Variants in DMXL1 observed in about 807,000 individuals in gnomAD.
DMXL1 encodes dmX-like protein 1.
Under a neutral mutation model 319.2 loss-of-function variants are expected in DMXL1, and 99 were observed. The ratio of observed to expected loss-of-function variants is 0.31; its 90% CI spans 0.26 to 0.37. The LOEUF (loss-of-function observed/expected upper bound fraction) is 0.37, where lower values mean the gene tolerates loss of function less well. Among genes scored for constraint, DMXL1 ranks in the 10% least tolerant of loss-of-function variants. The probability of loss-of-function intolerance (pLI) is 1.00; values close to 1 mark genes in which losing one functional copy is unlikely to be tolerated. For missense variants in DMXL1, 3,745 were observed against 3,595.6 expected (o/e 1.04, Z -1.06); for synonymous variants, 1,385 against 1,235.2 (o/e 1.12, Z -2.54).
At chr5:119,111,583 C>A (rs573933234) in intron 5 of DMXL1, among the ~76,000 whole-genome samples, 5 of 151,932 alleles carry the variant, frequency 3.3e-5, no homozygotes, top group Non-Finnish European at 5.9e-5. Context: ...AAGAATGACA[C>A]CCAAACTGGA....
chr5:119,219,741 T>C (rs1784333251), intron 35 of DMXL1, among the ~76,000 whole-genome samples: 1 of 152,036 alleles, frequency 6.6e-6, no homozygotes, highest in African/African-American at 2.4e-5. Context: ...CTAATTTTTG[T>C]ATTTTTTGTA....
chr5:119,157,096 C>G (rs1275483067), intron 19 of DMXL1, among the ~76,000 whole-genome samples: 3 of 152,066 alleles, frequency 2.0e-5, no homozygotes, highest in Non-Finnish European at 2.9e-5. Flanking sequence ...AAGCCATCCT[C>G]CTGCCTCAGC....
chr5:119,149,609 C>T lies in DMXL1; in HGVS notation c.3782C>T (p.Ser1261Phe). ...GATTCGTACAGTGGGAGCACTCCAT[C>T]TATAACAAGTTTAATAAAACAGAGT... ...ITDSYSGSTP[S>F]ITSLIKQSNS... is the part of the protein sequence containing the mutation. The change falls in exon 18 of 44, where the codon TCT becomes TTT. Residue 1261 changes from serine (S) to phenylalanine (F), a missense_variant. By Grantham distance (155) the Ser-to-Phe change is radical. Transcript: ENST00000539542. The T allele has an allele frequency of 6.2e-7, 1 of 1,613,920 alleles. No individual in the cohort carries two copies. Among genetic ancestry groups the T allele is most frequent in the Non-Finnish European group, 8.5e-7 (1 of 1,179,908 alleles).
chr5:119,244,953 A>G (rs757913473), intron 43 of DMXL1, among the ~76,000 whole-genome samples: 8 of 152,138 alleles, frequency 5.3e-5, no homozygotes, highest in Non-Finnish European at 1.2e-4. Flanking sequence ...TTTCATATAT[A>G]TTATTATCTA....
At chr5:119,113,226 A>G (rs867671570) in intron 5 of DMXL1, among the ~76,000 whole-genome samples, 1 of 152,146 alleles carries the variant, frequency 6.6e-6, no homozygotes, top group African/African-American at 2.4e-5. Flanking sequence ...ATATGCAAAG[A>G]TGTTCATGAC....
intron 25 of DMXL1, among the ~76,000 whole-genome samples, chr5:119,174,441 T>C (rs1775387739): frequency 6.6e-6 from 1 of 152,260 alleles, no homozygotes; most frequent in African/African-American, 2.4e-5. Flanking sequence ...TGATCATTTT[T>C]GCAAGCTCCC....
chr5:119,084,107 C>T (rs2149705351), intron 1 of DMXL1, among the ~76,000 whole-genome samples: 1 of 151,882 alleles, frequency 6.6e-6, no homozygotes, highest in Admixed American at 6.6e-5. Flanking sequence ...AATGTCTGTT[C>T]ATGTATTCCC....
chr5:119,164,513 C>G lies in DMXL1; in HGVS notation c.4709C>G (p.Ser1570Cys). ...ATTTTTTACATTTCTTCAGGCCTGT[C>G]TACAAGTCATTTTGCTTGGGCATTT... The part of the protein sequence containing the change: ...YRAQLLHQGL[S>C]TSHFAWAFHS... The change falls in exon 20 of 44, where the codon TCT becomes TGT. Residue 1570 changes from serine (S) to cysteine (C), a missense_variant. Ser to Cys is a moderately radical substitution (Grantham distance 112). Transcript: ENST00000539542. 6.2e-7 allele frequency: 1 copy of G among 1,613,698 alleles called. No individual in the cohort carries two copies. The highest frequency in any genetic ancestry group is 1.7e-5 in the Admixed American group (1 of 60,004).
intron 34 of DMXL1, 116 bp from the exon 35 acceptor site, chr5:119,216,785 T>G (rs537322084): frequency 1.2e-5 from 8 of 656,412 alleles, no homozygotes; most frequent in Middle Eastern, 6.1e-4. Context: ...CCTTTAGAAT[T>G]GAAATATCTA....
chr5:119,169,864 A>G (rs1160872277), intron 23 of DMXL1, among the ~76,000 whole-genome samples: 1 of 152,252 alleles, frequency 6.6e-6, no homozygotes, highest in Non-Finnish European at 1.5e-5. Context: ...GGACTAGCAA[A>G]GCAGACTGAG....
At chr5:119,202,864 C>CATATATATATATATATTTATATATAT (rs1561865071) in intron 32 of DMXL1, among the ~76,000 whole-genome samples, 1 of 74,316 alleles carries the variant, frequency 1.3e-5, no homozygotes, top group African/African-American at 4.4e-5. Context: ...AATATACATA[C>CATATATATATATATATTTATATATAT]ATATATATAT....
At chr5:119,084,245 A>G (rs1162380418) in intron 1 of DMXL1, among the ~76,000 whole-genome samples, 3 of 151,718 alleles carry the variant, frequency 2.0e-5, no homozygotes, top group African/African-American at 7.3e-5. Flanking sequence ...CTCAACCTCC[A>G]GGTAGCTGGG....
At chr5:119,083,986 C>A (rs1404190686) in intron 1 of DMXL1, among the ~76,000 whole-genome samples, 1 of 152,166 alleles carries the variant, frequency 6.6e-6, no homozygotes, top group African/African-American at 2.4e-5. Flanking sequence ...GCCATTTTAA[C>A]TGGGGTGAGA....
At chr5:119,190,687 G>T (rs1316071800) in intron 29 of DMXL1, among the ~76,000 whole-genome samples, 1 of 152,228 alleles carries the variant, frequency 6.6e-6, no homozygotes, top group Non-Finnish European at 1.5e-5. Flanking sequence ...CCAACTGTGG[G>T]TATGTTGACA....
rs187529454 is a variant in DMXL1, at chr5:119,102,570, A to G, written c.285+564A>G. 1.8e-3 allele frequency among the ~76,000 whole-genome samples: 267 copies of G among 152,192 alleles called. 2 individuals carry two copies. Among genetic ancestry groups the G allele is most frequent in the Non-Finnish European group, 2.8e-3 (189 of 67,990 alleles). ...AATGCTTGTGCCTGTAATCCTCTCT[A>G]TTTGGGAGGCTGAGGCAGGAGGATT... On this transcript the variant is annotated intron_variant, in intron 3 of 43. Transcript: ENST00000539542.
intron 28 of DMXL1, among the ~76,000 whole-genome samples, chr5:119,183,299 C>G (rs1443387129): frequency 2.6e-5 from 4 of 152,010 alleles, no homozygotes; most frequent in Non-Finnish European, 4.4e-5. Flanking sequence ...GCAAAGTAAG[C>G]AAAACAGCAA....
At chr5:119,075,325 C>T (rs1213736848) in intron 1 of DMXL1, among the ~76,000 whole-genome samples, 5 of 150,854 alleles carry the variant, frequency 3.3e-5, no homozygotes, top group African/African-American at 7.3e-5. Context: ...CTGCAACCTC[C>T]GCCTCCCGGG....
intron 27 of DMXL1, 70 bp from the exon 28 acceptor site, chr5:119,177,926 A>G (rs1359605160): frequency 7.3e-7 from 1 of 1,370,978 alleles, no homozygotes; most frequent in Non-Finnish European, 9.6e-7. Context: ...TGAAATTAGA[A>G]AAATATAGTT....
intron 1 of DMXL1, among the ~76,000 whole-genome samples, chr5:119,087,928 A>G (rs1001768681): frequency 1.2e-4 from 18 of 152,002 alleles, no homozygotes; most frequent in South Asian, 2.1e-4. Context: ...CAGCCTCCCA[A>G]GTAGCTGGGA....
Sources: allele counts gnomAD v4.1 joint callset (sites outside exome capture counted in the v4.1 genomes callset), GRCh38; gene constraint gnomAD v4.1.1; transcripts MANE v1.5; gene names NCBI Gene and HGNC (gene_info 2026-07-23, HGNC 2026-07-21).